Variants in RSU1 observed in about 807,000 individuals in gnomAD.
RSU1 encodes the protein Ras suppressor protein 1, also known as rsu-1.
In RSU1, 26 loss-of-function variants were observed where a neutral mutation model predicts 31.1. The ratio of observed to expected loss-of-function variants is 0.84; its 90% CI spans 0.61 to 1.16. The LOEUF is 1.16. RSU1 is among the 50% of genes most tolerant of loss of function. The pLI, the probability that RSU1 is intolerant of heterozygous loss-of-function variation, is 0.00. For synonymous variants in RSU1, 164 were observed against 136.3 expected (o/e 1.20, Z -1.41); for missense variants, 320 against 339.1 (o/e 0.94, Z 0.44).
At chr10:16,769,012 T>A (rs1260100570) in intron 3 of RSU1, among the ~76,000 whole-genome samples, 1 of 152,232 alleles carries the variant, frequency 6.6e-6, no homozygotes, top group Non-Finnish European at 1.5e-5. Flanking sequence ...GCAACAGGCA[T>A]GTGCCAGCCG....
intron 7 of RSU1, among the ~76,000 whole-genome samples, chr10:16,696,349 G>C (rs186971669): frequency 3.2e-4 from 49 of 152,276 alleles, no homozygotes; most frequent in Admixed American, 1.9e-3. Context: ...TTGCCTAGCT[G>C]ATCTGAGCTT....
intron 2 of RSU1, among the ~76,000 whole-genome samples, chr10:16,783,087 T>G (rs1837691168): frequency 2.0e-5 from 3 of 152,028 alleles, no homozygotes; most frequent in Middle Eastern, 3.4e-3. Context: ...ATTTTGTATT[T>G]TTTGTAGAGA....
intron 5 of RSU1, among the ~76,000 whole-genome samples, chr10:16,753,241 G>A (rs1292798013): frequency 6.6e-6 from 1 of 152,170 alleles, no homozygotes; most frequent in Non-Finnish European, 1.5e-5. Context: ...AACTGTGGGC[G>A]CCAGCATTTT....
At chr10:16,627,644 C>T (rs1180861961) in intron 8 of RSU1, among the ~76,000 whole-genome samples, 1 of 151,630 alleles carries the variant, frequency 6.6e-6, no homozygotes, top group African/African-American at 2.4e-5. Context: ...GTAATCCCAG[C>T]TACTCAGGAG....
chr10:16,814,464 A>AAAAG (rs1554777376), intron 2 of RSU1, among the ~76,000 whole-genome samples: 19 of 145,674 alleles, frequency 1.3e-4, no homozygotes, highest in African/African-American at 4.8e-4. Context: ...AAAAAAAAAA[A>AAAAG]AAAAGAAAAA....
intron 8 of RSU1, among the ~76,000 whole-genome samples, chr10:16,645,762 A>C (rs1224979680): frequency 1.3e-5 from 2 of 150,568 alleles, no homozygotes; most frequent in African/African-American, 2.4e-5. Flanking sequence ...AGCCGAGATC[A>C]CGCCACTGCA....
chr10:16,650,649 G>A (rs543929133), intron 8 of RSU1, among the ~76,000 whole-genome samples: 37 of 142,766 alleles, frequency 2.6e-4, no homozygotes, highest in Non-Finnish European at 4.5e-4. Flanking sequence ...GCACAATCTC[G>A]GCTCACTGCA....
At chr10:16,672,399 A>C (rs1027319192) in intron 8 of RSU1, among the ~76,000 whole-genome samples, 1 of 152,210 alleles carries the variant, frequency 6.6e-6, no homozygotes, top group Admixed American at 6.5e-5. Context: ...CATGTTCAAC[A>C]AAAGACTTTT....
At chr10:16,761,338 C>T (rs976010560) in intron 4 of RSU1, among the ~76,000 whole-genome samples, 1 of 152,202 alleles carries the variant, frequency 6.6e-6, no homozygotes, top group African/African-American at 2.4e-5. Context: ...GTTTCTCCAA[C>T]TGTAATGGAA....
intron 7 of RSU1, among the ~76,000 whole-genome samples, chr10:16,700,207 T>A (rs987219540): frequency 6.6e-6 from 1 of 152,178 alleles, no homozygotes; most frequent in African/African-American, 2.4e-5. Flanking sequence ...ATTTTTCACG[T>A]CATCAAAGTA....
chr10:16,749,529 A>G (rs1836929698), intron 7 of RSU1, among the ~76,000 whole-genome samples: 1 of 152,216 alleles, frequency 6.6e-6, no homozygotes, highest in Non-Finnish European at 1.5e-5. Flanking sequence ...GCAAACCTGC[A>G]GCATAAGCTT....
chr10:16,643,658 A>C (rs111634813), intron 8 of RSU1, among the ~76,000 whole-genome samples: 1 of 152,132 alleles, frequency 6.6e-6, no homozygotes, highest in African/African-American at 2.4e-5. Flanking sequence ...TGATCTTGGG[A>C]AAGTTAGCTA....
At chr10:16,788,336 T>C (rs548684676) in intron 2 of RSU1, among the ~76,000 whole-genome samples, 3 of 152,284 alleles carry the variant, frequency 2.0e-5, no homozygotes, top group African/African-American at 7.2e-5. Context: ...AAAAAATTCA[T>C]ATACGGAAGC....
chr10:16,678,930 C>T (rs1329294866), intron 8 of RSU1, among the ~76,000 whole-genome samples: 3 of 151,750 alleles, frequency 2.0e-5, no homozygotes, highest in African/African-American at 7.3e-5. Context: ...AATCACAGAT[C>T]CCTCAGATTT....
rs1834532768 is a variant in RSU1, at chr10:16,645,879, T to TATATATACATATATATAC, written c.731+49143_731+49144insGTATATATATGTATATAT. ...ATATATACGTATATATACATATATGTGTATATACATATATGTATATACACA... is the reference window on the plus strand; with the variant it reads ...ATATATACGTATATATACATATATGTATATATACATATATATACGTATATACATATATGTATATACACA... On this transcript the variant is annotated intron_variant, in intron 8 of 8. Transcript: ENST00000345264. Among the ~76,000 whole-genome samples, 2 of 106,578 alleles carry TATATATACATATATATAC rather than the reference T, an allele frequency of 1.9e-5. 1 individual carries two copies. The highest frequency in any genetic ancestry group is 1.1e-4 in the African/African-American group (2 of 18,554). 69.9% of individuals were successfully genotyped at this position (106,578 alleles called of 152,430 possible). A position where few individuals can be genotyped will look rare whatever the true frequency, so the allele number is the denominator to read the frequency against.
At chr10:16,749,234 C>T (rs1172821024) in intron 7 of RSU1, among the ~76,000 whole-genome samples, 3 of 152,180 alleles carry the variant, frequency 2.0e-5, no homozygotes, top group Admixed American at 2.0e-4. Flanking sequence ...TTCAAAGACA[C>T]ACAGTGAAGG....
Position 16,782,027 on chromosome 10 carries a change from CACTT to C in RSU1, c.160+3_160+6del. On this transcript the variant is annotated splice_donor_5th_base_variant and intron_variant, in intron 3 of 8. Transcript: ENST00000345264. ...AGAAACTGTAACAAATGAGAAACATCACTTACTTGTTAGCTTGTTATGGCTGAGG... is the reference window on the plus strand; with the variant it reads ...AGAAACTGTAACAAATGAGAAACATCACTTGTTAGCTTGTTATGGCTGAGG... The C allele has an allele frequency of 6.2e-7, 1 of 1,611,396 alleles. No homozygotes were observed. The highest frequency in any genetic ancestry group is 8.5e-7 in the Non-Finnish European group (1 of 1,178,322).
At chr10:16,656,545 A>C (rs918094734) in intron 8 of RSU1, among the ~76,000 whole-genome samples, 1 of 152,232 alleles carries the variant, frequency 6.6e-6, no homozygotes, top group Non-Finnish European at 1.5e-5. Context: ...GGTGTCAACC[A>C]GGGCCTGCAA....
intron 8 of RSU1, among the ~76,000 whole-genome samples, chr10:16,623,789 T>G (rs1336245680): frequency 6.6e-6 from 1 of 152,226 alleles, no homozygotes; most frequent in Non-Finnish European, 1.5e-5. Context: ...TCGAGTATTT[T>G]TTCATGTTTG....
Sources: gnomAD v4.1 joint callset for allele counts (sites outside exome capture counted in the v4.1 genomes callset) on GRCh38, gnomAD v4.1.1 for gene constraint, MANE v1.5 for transcripts, NCBI Gene and HGNC (gene_info 2026-07-23, HGNC 2026-07-21) for gene names.